Variants in TJP2 observed in about 807,000 individuals in gnomAD.
TJP2 encodes tight junction protein 2, also known as Friedreich ataxia region gene X104 (tight junction protein ZO-2).
TJP2 carries 91 observed loss-of-function variants against 133.1 expected under a neutral mutation model. That is an observed-to-expected ratio of 0.68 (90% CI 0.58 to 0.81). The LOEUF (loss-of-function observed/expected upper bound fraction) is 0.81. TJP2 is among the 40% of genes least tolerant of loss of function. The probability of loss-of-function intolerance (pLI) is 0.00; values close to 1 mark genes in which losing one functional copy is unlikely to be tolerated. For missense variants in TJP2, 1,541 were observed against 1,565.6 expected, an observed-to-expected ratio of 0.98 and a Z score of 0.26; for synonymous variants, 592 against 583.4, an observed-to-expected ratio of 1.01 and a Z score of -0.21.
intron 17 of TJP2, chr9:69,246,478 TC>T (rs1830934224): frequency 1.8e-6 from 1 of 558,368 alleles, no homozygotes; most frequent in African/African-American, 1.9e-5. Flanking sequence ...CTTTATCACA[TC>T]CACCTATAAT....
chr9:69,151,568 A>G, intron 1 of TJP2: 1 of 1,223,696 alleles, frequency 8.2e-7, no homozygotes, highest in African/African-American at 1.6e-5. Context: ...ATTGTATGGT[A>G]TGTGGACTTC....
intron 1 of TJP2, among the ~76,000 whole-genome samples, chr9:69,187,359 A>C (rs1053050429): frequency 1.3e-5 from 2 of 151,786 alleles, no homozygotes; most frequent in East Asian, 3.9e-4. Flanking sequence ...GTAACATACC[A>C]CTCCAGACTG....
intron 1 of TJP2, among the ~76,000 whole-genome samples, chr9:69,206,631 G>C (rs1827435045): frequency 6.6e-6 from 1 of 151,872 alleles, no homozygotes; most frequent in Admixed American, 6.6e-5. Flanking sequence ...AGGCTGGAGT[G>C]CAGTGGCGCG....
At chr9:69,193,715 CTG>C (rs773655225) in intron 1 of TJP2, among the ~76,000 whole-genome samples, 39 of 146,560 alleles carry the variant, frequency 2.7e-4, no homozygotes, top group African/African-American at 9.4e-4. Flanking sequence ...ATTTCATCTG[CTG>C]TGTTTTATTA....
rs868762296 is a variant in TJP2 at position 69,145,925 on chromosome 9, A to G, written c.-130-5726A>G. 1.2e-4 allele frequency: 67 copies of G among 546,894 alleles called. No homozygotes were observed. In the Middle Eastern group the frequency reaches 3.2e-3, roughly 26 times the overall value. 33.9% of individuals were successfully genotyped at this position (546,894 alleles called of 1,614,324 possible). ...GTCCTCTGTCTTGTGGGGATAATAA[A>G]TGAGTTCTTCATTAAGAACTTGTTT... On this transcript the variant is annotated intron_variant, in intron 1 of 5. Transcript: ENST00000423935.
chr9:69,143,896 C>T (rs1823108532), intron 1 of TJP2, among the ~76,000 whole-genome samples: 1 of 152,098 alleles, frequency 6.6e-6, no homozygotes. Context: ...GTACACTCTA[C>T]CGTATACATG....
chr9:69,153,059 A>G (rs985945341), intron 2 of TJP2, among the ~76,000 whole-genome samples: 2 of 151,534 alleles, frequency 1.3e-5, no homozygotes, highest in Non-Finnish European at 2.9e-5. Context: ...CCCTGTCTCT[A>G]TTTAAAAAAA....
intron 1 of TJP2, among the ~76,000 whole-genome samples, chr9:69,178,744 A>G (rs1320601608): frequency 6.6e-6 from 1 of 152,176 alleles, no homozygotes; most frequent in Non-Finnish European, 1.5e-5. Flanking sequence ...CTCTGCTTCC[A>G]CAAGCCATTC....
At chr9:69,185,581 C>A (rs1175986362) in intron 1 of TJP2, among the ~76,000 whole-genome samples, 2 of 152,154 alleles carry the variant, frequency 1.3e-5, no homozygotes, top group Non-Finnish European at 2.9e-5. Context: ...TGACTTAATT[C>A]TAAGAGTTGC....
At chr9:69,136,532 A>G (rs1455066848) in intron 1 of TJP2, among the ~76,000 whole-genome samples, 1 of 152,226 alleles carries the variant, frequency 6.6e-6, no homozygotes, top group Non-Finnish European at 1.5e-5. Context: ...TATGTAAAAA[A>G]GTTTTTTTTT....
chr9:69,212,593 C>G lies in TJP2; in HGVS notation c.106C>G (p.Leu36Val). 2 of 1,612,134 alleles carry G rather than the reference C, an allele frequency of 1.2e-6. No individual in the cohort carries two copies. Among genetic ancestry groups the G allele is most frequent in the Non-Finnish European group, 1.7e-6 (2 of 1,178,336 alleles). The change falls in exon 2 of 23, where the codon CTA (leucine) becomes GTA (valine). Residue 36 changes from leucine (L) to valine (V), a missense_variant. Physicochemically the swap from Leu to Val is conservative, Grantham distance 32 (BLOSUM62 1). Transcript: ENST00000377245. The stretch of plus-strand genomic sequence containing the variant: ...GATATGGGAACAGTACACTGTGACC[C>G]TACAAAAGGTGAGTTCTGCACATTT... ...ELIWEQYTVT[L>V]QKDSKRGFGI...
intron 1 of TJP2, among the ~76,000 whole-genome samples, chr9:69,211,622 T>A (rs1352198735): frequency 8.5e-5 from 13 of 152,196 alleles, no homozygotes; most frequent in Admixed American, 2.6e-4. Flanking sequence ...CCAGTAGGCA[T>A]GAGTGTTTGG....
intron 17 of TJP2, among the ~76,000 whole-genome samples, chr9:69,244,756 A>G (rs1161518914): frequency 1.3e-5 from 2 of 152,226 alleles, no homozygotes; most frequent in Non-Finnish European, 2.9e-5. Flanking sequence ...GTTGGATGTT[A>G]CTTTTATATG....
rs1380583631 is a variant in TJP2, at chr9:69,252,873, C to T, written c.3380C>T (p.Pro1127Leu). ...IYAVPIKTHK[P>L]DPGTPQHTSS... ...GCAGTTCCAATCAAAACGCACAAGCCAGACCCTGGCACGCCCCAGCACACG... is the reference window on the plus strand; with the variant it reads ...GCAGTTCCAATCAAAACGCACAAGCTAGACCCTGGCACGCCCCAGCACACG... The change falls in exon 22 of 23, where the codon CCA becomes CTA. Residue 1127 changes from proline (P) to leucine (L), a missense_variant. By Grantham distance (98) the Pro-to-Leu change is moderately conservative. Transcript: ENST00000377245. 1 of 1,614,164 alleles carries T rather than the reference C, an allele frequency of 6.2e-7. No individual in the cohort carries two copies. The highest frequency in any genetic ancestry group is 1.1e-5 in the South Asian group (1 of 91,072).
intron 20 of TJP2, 70 bp from the exon 21 acceptor site, chr9:69,250,965 T>G (rs1802294161): frequency 2.6e-5 from 37 of 1,425,922 alleles, no homozygotes; most frequent in Non-Finnish European, 3.4e-5. Context: ...TGGAGTGTAT[T>G]AAATCACTAA....
At chr9:69,156,481 T>C (rs999542431) in intron 2 of TJP2, among the ~76,000 whole-genome samples, 26 of 152,030 alleles carry the variant, frequency 1.7e-4, no homozygotes, top group African/African-American at 4.6e-4. Context: ...CTTGCTTTTA[T>C]ACATTTTAGG....
At chr9:69,203,591 A>G (rs1827163026) in intron 1 of TJP2, among the ~76,000 whole-genome samples, 1 of 136,232 alleles carries the variant, frequency 7.3e-6, no homozygotes, top group Non-Finnish European at 1.6e-5. Context: ...GGCATGAGCC[A>G]CGGTGCCCAG....
Position 69,151,311 on chromosome 9 carries a change from G to A in TJP2, c.-130-340G>A, listed in dbSNP as rs553337459. ...AGCCTGACCAACATGGAGAAACCCCGTCTCTACTAAAAATACAAAATTAGC... is the reference window on the plus strand; with the variant it reads ...AGCCTGACCAACATGGAGAAACCCCATCTCTACTAAAAATACAAAATTAGC... On this transcript the variant is annotated intron_variant, in intron 1 of 5. Transcript: ENST00000423935. Among the ~76,000 whole-genome samples the A allele has an allele frequency of 1.6e-3, 251 of 152,130 alleles. 1 individual carries two copies. Among genetic ancestry groups the A allele is most frequent in the African/African-American group, 5.7e-3 (238 of 41,490 alleles).
intron 5 of TJP2, among the ~76,000 whole-genome samples, chr9:69,222,623 G>T (rs571488915): frequency 2.0e-5 from 3 of 152,178 alleles, no homozygotes; most frequent in Non-Finnish European, 2.9e-5. Flanking sequence ...AAGGTTCATT[G>T]ATATACACAA....
Sources: gnomAD v4.1 joint callset for allele counts (sites outside exome capture counted in the v4.1 genomes callset) on GRCh38, gnomAD v4.1.1 for gene constraint, MANE v1.5 for transcripts, NCBI Gene and HGNC (gene_info 2026-07-23, HGNC 2026-07-21) for gene names.